The following CPB1 variants were observed in gnomAD, a reference collection of about 807,000 sequenced individuals.
CPB1 encodes the protein carboxypeptidase B1, also known as carboxypeptidase B.
In CPB1, 53 loss-of-function variants were observed where a neutral mutation model predicts 51.4. The observed-to-expected ratio is 1.03, with a 90% confidence interval of 0.83 to 1.30. The LOEUF is 1.30. CPB1 is among the 50% of genes most tolerant of loss of function. CPB1 has a pLI of 0.00. For synonymous variants in CPB1, 189 were observed against 186.9 expected, an observed-to-expected ratio of 1.01 and a Z score of -0.09; for missense variants, 494 against 516.2, an observed-to-expected ratio of 0.96 and a Z score of 0.42.
At chr3:148,835,223 A>G (rs1357655834) in intron 3 of CPB1, among the ~76,000 whole-genome samples, 3 of 152,200 alleles carry the variant, frequency 2.0e-5, no homozygotes. Context: ...TTTCATGACA[A>G]GAATGTCTTC....
At chr3:148,855,628 A>G (rs1713551211) in intron 9 of CPB1, 1 of 152,250 alleles carries the variant, frequency 6.6e-6, no homozygotes, top group Admixed American at 6.5e-5. Flanking sequence ...AGTCCAATAG[A>G]TAATGACAAT....
chr3:148,841,935 A>G lies in CPB1; in HGVS notation c.576+11A>G, dbSNP rs1277477264. On this transcript the variant is annotated intron_variant, in intron 6 of 10. Transcript: ENST00000282957. ...TGGTTTGTAAGAGAGGTCAGTGTGTAGAGTGGTTTTTGGCAAAGAGAAATG... is the reference window on the plus strand; with the variant it reads ...TGGTTTGTAAGAGAGGTCAGTGTGTGGAGTGGTTTTTGGCAAAGAGAAATG... The G allele has an allele frequency of 1.9e-6, 3 of 1,590,336 alleles. No homozygotes were observed. Among genetic ancestry groups the G allele is most frequent in the Non-Finnish European group, 1.7e-6 (2 of 1,160,660 alleles).
At chr3:148,831,298 T>C (rs1712729081) in intron 2 of CPB1, among the ~76,000 whole-genome samples, 1 of 152,214 alleles carries the variant, frequency 6.6e-6, no homozygotes, top group African/African-American at 2.4e-5. Context: ...TGTCTTCCAA[T>C]GTTCTTATCA....
intron 3 of CPB1, among the ~76,000 whole-genome samples, chr3:148,837,903 T>G (rs1299113180): frequency 1.3e-5 from 2 of 152,110 alleles, no homozygotes; most frequent in Non-Finnish European, 2.9e-5. Flanking sequence ...ACAGAATGTC[T>G]CTTAGTACCA....
chr3:148,833,749 A>AT (rs1189332693), intron 2 of CPB1, among the ~76,000 whole-genome samples: 1 of 152,122 alleles, frequency 6.6e-6, no homozygotes, highest in Non-Finnish European at 1.5e-5. Flanking sequence ...TTAAAAAAAA[A>AT]AAAACAGCTA....
At chr3:148,851,357 GAA>G (rs1559961279) in intron 9 of CPB1, 1 of 107,948 alleles carries the variant, frequency 9.3e-6, no homozygotes, top group East Asian at 2.7e-4. Flanking sequence ...AAAAAAAAAA[GAA>G]AGAGAAAGAG....
intron 2 of CPB1, among the ~76,000 whole-genome samples, chr3:148,833,886 AG>A (rs1401850831): frequency 6.6e-6 from 1 of 152,168 alleles, no homozygotes; most frequent in African/African-American, 2.4e-5. Flanking sequence ...ATAGTTGATG[AG>A]TAACTGAATA....
At chr3:148,846,152 CA>C (rs937262694) in intron 9 of CPB1, among the ~76,000 whole-genome samples, 15 of 152,026 alleles carry the variant, frequency 9.9e-5, no homozygotes, top group African/African-American at 3.1e-4. Flanking sequence ...AATCAATGAA[CA>C]AATAATGTGA....
In CPB1 at chr3:148,840,710, T is replaced by C. The variant is rs2108014696; in HGVS notation, c.297T>C (p.Asn99=). 3 of 1,614,072 alleles carry C rather than the reference T, an allele frequency of 1.9e-6. No homozygotes were observed. Among genetic ancestry groups the C allele is most frequent in the Middle Eastern group, 3.3e-4 (2 of 6,062 alleles). ...GGGTACTGATAAGCAACCTGAGAAA[T>C]GTGGTGGAGGCTCAGTTTGATAGCC... The part of the protein sequence containing the change: ...QYKVLISNLR[N]VVEAQFDSRV... The change falls in exon 4 of 11, where the codon AAT becomes AAC. Residue 99 remains asparagine, a synonymous_variant. Coordinates refer to ENST00000282957, the MANE Select transcript of CPB1 (RefSeq NM_001871.3).
At position 148,860,095 on chromosome 3, in the gene CPB1, A is replaced by G. The variant is rs1713707789; in HGVS notation, c.*93A>G. The G allele has an allele frequency of 2.4e-6, 3 of 1,234,218 alleles. No individual in the cohort carries two copies. Among genetic ancestry groups the G allele is most frequent in the Admixed American group, 4.4e-5 (2 of 45,806 alleles). 76.5% of individuals were successfully genotyped at this position (1,234,218 alleles called of 1,614,324 possible). A position where few individuals can be genotyped will look rare whatever the true frequency, so the allele number is the denominator to read the frequency against. On this transcript the variant is annotated 3_prime_UTR_variant, in exon 11 of 11. Coordinates refer to ENST00000282957, the MANE Select transcript of CPB1 (RefSeq NM_001871.3). ...TTTGGTTTGCCTGGATGTTTTGCAGATCCCAATCTTTCTTTTAAGCTTCTG... is the reference window on the plus strand; with the variant it reads ...TTTGGTTTGCCTGGATGTTTTGCAGGTCCCAATCTTTCTTTTAAGCTTCTG...
chr3:148,844,365 C>T (rs1713169096), intron 6 of CPB1, 113 bp from the exon 7 acceptor site: 2 of 691,630 alleles, frequency 2.9e-6, no homozygotes, highest in Admixed American at 2.6e-5. Flanking sequence ...TTGTCCACCT[C>T]AATAGGAAAT....
chr3:148,837,324 A>G (rs1471820410), intron 3 of CPB1, among the ~76,000 whole-genome samples: 1 of 152,152 alleles, frequency 6.6e-6, no homozygotes, highest in Admixed American at 6.5e-5. Flanking sequence ...AATGTTCTTC[A>G]ATAACAGTGG....
chr3:148,838,737 T>C (rs1440004039), intron 3 of CPB1, among the ~76,000 whole-genome samples: 2 of 152,178 alleles, frequency 1.3e-5, no homozygotes, highest in Non-Finnish European at 2.9e-5. Flanking sequence ...GAAAAGGATG[T>C]TGGATATTTA....
chr3:148,859,996 G>A lies in CPB1; in HGVS notation c.1248G>A (p.Leu416=), dbSNP rs1465479388. Residue 416 remains leucine (L), a synonymous_variant, in exon 11 of 11, where the codon CTG becomes CTA. Coordinates refer to ENST00000282957, the MANE Select transcript of CPB1 (RefSeq NM_001871.3). ...TTGCCAGCTACGTCCTGGAACACCT[G>A]TACTAGTTGAGAAAGCTGATGGCCT... ...KYVASYVLEH[L]Y is the part of the protein sequence containing the mutation. 2 of 1,608,500 alleles carry A rather than the reference G, an allele frequency of 1.2e-6. No homozygotes were observed. The highest frequency in any genetic ancestry group is 1.7e-4 in the Middle Eastern group (1 of 6,028).
At chr3:148,846,797 G>GTGTGTGTGTATATATATA (rs1364486523) in intron 9 of CPB1, among the ~76,000 whole-genome samples, 2 of 50,560 alleles carry the variant, frequency 4.0e-5, no homozygotes, top group Non-Finnish European at 8.5e-5. Flanking sequence ...GTGTGCGTGT[G>GTGTGTGTGTATATATATA]TATATATATA....
intron 3 of CPB1, among the ~76,000 whole-genome samples, chr3:148,837,222 A>G (rs1205884390): frequency 6.6e-6 from 1 of 152,176 alleles, no homozygotes; most frequent in Non-Finnish European, 1.5e-5. Context: ...TGATTCAGGG[A>G]GACTGATTGT....
chr3:148,828,474 C>T (rs1576564826), intron 2 of CPB1, among the ~76,000 whole-genome samples: 1 of 152,144 alleles, frequency 6.6e-6, no homozygotes, highest in East Asian at 1.9e-4. Flanking sequence ...CATCTGTCCT[C>T]TTTGATTTTC....
At chr3:148,853,595 G>A (rs992493437) in intron 9 of CPB1, among the ~76,000 whole-genome samples, 1 of 152,300 alleles carries the variant, frequency 6.6e-6, no homozygotes, top group Middle Eastern at 3.4e-3. Flanking sequence ...CATAGCTAAG[G>A]ATTAATAAAG....
At chr3:148,850,402 T>C (rs1344203648) in intron 9 of CPB1, among the ~76,000 whole-genome samples, 1 of 152,018 alleles carries the variant, frequency 6.6e-6, no homozygotes, top group East Asian at 1.9e-4. Flanking sequence ...CCCGGGTTCA[T>C]GCCATTCTCC....
Sources: gnomAD v4.1 joint callset for allele counts (sites outside exome capture counted in the v4.1 genomes callset) on GRCh38, gnomAD v4.1.1 for gene constraint, MANE v1.5 for transcripts, NCBI Gene and HGNC (gene_info 2026-07-23, HGNC 2026-07-21) for gene names.